Variants in PCDH11X observed in about 807,000 individuals in gnomAD.
PCDH11X encodes protocadherin-11 X-linked.
A neutral mutation model predicts 53.3 loss-of-function variants in PCDH11X; 18 were observed. The ratio of observed to expected loss-of-function variants is 0.34; its 90% CI spans 0.23 to 0.50. The LOEUF (loss-of-function observed/expected upper bound fraction) is 0.50, where lower values mean the gene tolerates loss of function less well. PCDH11X is among the 20% of genes least tolerant of loss of function. PCDH11X has a pLI of 0.98. For missense variants in PCDH11X, 570 were observed against 1,032.4 expected, an observed-to-expected ratio of 0.55 and a Z score of 6.14; for synonymous variants, 279 against 393.3, an observed-to-expected ratio of 0.71 and a Z score of 3.44.
chrX:92,155,761 G>A (rs2065522095), intron 6 of PCDH11X, among the ~76,000 whole-genome samples: 1 of 108,970 alleles, frequency 9.2e-6, no homozygotes, highest in Admixed American at 9.9e-5. Context: ...GGAGTAGCTG[G>A]GACTACAGGG....
intron 6 of PCDH11X, among the ~76,000 whole-genome samples, chrX:92,105,414 G>A (rs763647708): frequency 9.1e-6 from 1 of 110,203 alleles, no homozygotes; most frequent in East Asian, 2.9e-4. Flanking sequence ...GAGGTCCCTC[G>A]ATCTGAGTCA....
At chrX:92,313,067 T>A (rs1181645461) in intron 8 of PCDH11X, among the ~76,000 whole-genome samples, 1 of 111,863 alleles carries the variant, frequency 8.9e-6, no homozygotes, top group Non-Finnish European at 1.9e-5. Flanking sequence ...GTTTTCCTAG[T>A]AACAGGAGCT....
At chrX:92,097,620 T>C (rs1046347028) in intron 6 of PCDH11X, among the ~76,000 whole-genome samples, 9 of 110,744 alleles carry the variant, frequency 8.1e-5, no homozygotes, top group African/African-American at 3.0e-4. Flanking sequence ...AAGCTATAGA[T>C]TATAGTTTGA....
intron 8 of PCDH11X, among the ~76,000 whole-genome samples, chrX:92,286,069 G>A (rs1311847422): frequency 2.7e-5 from 3 of 111,307 alleles, no homozygotes; most frequent in Admixed American, 1.9e-4. Context: ...CCTCATTCCG[G>A]TAAACCCACA....
chrX:92,422,381 A>G (rs1345613192), intron 9 of PCDH11X, among the ~76,000 whole-genome samples: 3 of 109,548 alleles, frequency 2.7e-5, no homozygotes. Flanking sequence ...CTCATAGCTT[A>G]GCTCCCAGTT....
At chrX:92,016,091 A>G (rs1439639018) in intron 6 of PCDH11X, among the ~76,000 whole-genome samples, 2 of 112,928 alleles carry the variant, frequency 1.8e-5, no homozygotes, top group African/African-American at 6.4e-5. Flanking sequence ...TGCATTGTCA[A>G]TAAGCAAATA....
rs182073254 is a variant in PCDH11X at position 92,615,360 on chromosome X, C to T, written c.3368-2904C>T. 5.0e-3 allele frequency among the ~76,000 whole-genome samples: 554 copies of T among 111,480 alleles called. 2 individuals carry two copies. The highest frequency in any genetic ancestry group is 0.017 in the African/African-American group (531 of 30,666). On this transcript the variant is annotated intron_variant, in intron 10 of 10. Coordinates refer to ENST00000682573, the MANE Select transcript of PCDH11X (RefSeq NM_032968.5). ...CTGCATGGAGGTGGAACGGAGAGGG[C>T]CCTGCTATACCACAATCTCAAGGGG...
intron 6 of PCDH11X, among the ~76,000 whole-genome samples, chrX:91,896,120 A>C (rs914873553): frequency 2.8e-5 from 3 of 107,713 alleles, no homozygotes; most frequent in African/African-American, 1.0e-4. Context: ...TACTTACTTA[A>C]TTAAGTAATA....
intron 10 of PCDH11X, among the ~76,000 whole-genome samples, chrX:92,486,551 A>T (rs1436192528): frequency 8.9e-6 from 1 of 111,957 alleles, no homozygotes; most frequent in Non-Finnish European, 1.9e-5. Flanking sequence ...CTCACAAGTC[A>T]CAATTTAAAA....
chrX:92,073,646 A>G (rs1357401560), intron 6 of PCDH11X, among the ~76,000 whole-genome samples: 1 of 112,484 alleles, frequency 8.9e-6, no homozygotes. Context: ...ATGTATGAAT[A>G]TATGCAGGAT....
At position 92,002,366 on chromosome X, in the gene PCDH11X, A is replaced by G. The variant is rs527406604; in HGVS notation, c.3033+123093A>G. On this transcript the variant is annotated intron_variant, in intron 6 of 10. Transcript: ENST00000682573. ...CAAGTTTTGTTCTTTCGCTTAGAAT[A>G]GCTTTGGCTATTCTGGGTCTTTTGT... Among the ~76,000 whole-genome samples the G allele has an allele frequency of 1.2e-3, 134 of 108,622 alleles. 4 individuals carry two copies. The South Asian group carries it at 0.053, about 43-fold the overall frequency. The allele number at this position is 108,622 out of a possible 115,157, so 94.3% of individuals were successfully genotyped here. A position where few individuals can be genotyped will look rare whatever the true frequency, so the allele number is the denominator to read the frequency against.
At chrX:92,276,241 G>A (rs960012750) in intron 8 of PCDH11X, among the ~76,000 whole-genome samples, 6 of 107,263 alleles carry the variant, frequency 5.6e-5, no homozygotes, top group Non-Finnish European at 1.2e-4. Flanking sequence ...TTAAGAAGGG[G>A]ACGGGCTTAC....
intron 7 of PCDH11X, among the ~76,000 whole-genome samples, chrX:92,206,340 G>A (rs2066475712): frequency 9.0e-6 from 1 of 110,700 alleles, no homozygotes; most frequent in African/African-American, 3.3e-5. Context: ...TACTTAATTT[G>A]GGGAATTTTA....
At chrX:92,234,693 C>T (rs1234023237) in intron 7 of PCDH11X, among the ~76,000 whole-genome samples, 2 of 111,262 alleles carry the variant, frequency 1.8e-5, no homozygotes, top group Non-Finnish European at 3.8e-5. Context: ...GTTTTATACT[C>T]ATACCTTAAA....
chrX:92,170,756 C>A (rs1454731461), intron 6 of PCDH11X, among the ~76,000 whole-genome samples: 1 of 105,791 alleles, frequency 9.5e-6, no homozygotes, highest in Admixed American at 1.0e-4. Context: ...TGCCAACGAG[C>A]CTAGCTAATT....
chrX:92,539,318 T>G (rs1184664430), intron 10 of PCDH11X, among the ~76,000 whole-genome samples: 3 of 111,735 alleles, frequency 2.7e-5, no homozygotes, highest in Non-Finnish European at 5.6e-5. Flanking sequence ...CCTTTGTATT[T>G]TCCACTAGCC....
At chrX:91,982,852 G>A (rs1208692379) in intron 6 of PCDH11X, 13 of 895,160 alleles carry the variant, frequency 1.5e-5, no homozygotes, top group Middle Eastern at 3.9e-4. Context: ...ATTTCGAAAC[G>A]CGTGTTACTG....
chrX:92,556,657 A>G (rs2075050610), intron 10 of PCDH11X, among the ~76,000 whole-genome samples: 2 of 111,586 alleles, frequency 1.8e-5, no homozygotes, highest in African/African-American at 6.5e-5. Context: ...ACAGGCTGGA[A>G]TTTACTGTCT....
chrX:91,866,837 AT>A (rs759828981), intron 5 of PCDH11X, among the ~76,000 whole-genome samples: 5 of 109,661 alleles, frequency 4.6e-5, no homozygotes, highest in African/African-American at 1.7e-4. Context: ...TCATTATAGT[AT>A]TTTTTTTCTT....
Sources: allele counts gnomAD v4.1 joint callset (sites outside exome capture counted in the v4.1 genomes callset), GRCh38; gene constraint gnomAD v4.1.1; transcripts MANE v1.5; gene names NCBI Gene and HGNC (gene_info 2026-07-23, HGNC 2026-07-21).